The following PLEKHA4 variants were observed in gnomAD, a reference collection of about 807,000 sequenced individuals.
The protein encoded by PLEKHA4 is pleckstrin homology domain containing A4.
Under a neutral mutation model 94.7 loss-of-function variants are expected in PLEKHA4, and 73 were observed. That is an observed-to-expected ratio of 0.77 (90% CI 0.64 to 0.94). The LOEUF is 0.94. Ranked by LOEUF, PLEKHA4 falls within the 40% of genes least tolerant of loss-of-function variation. The probability of loss-of-function intolerance (pLI) is 0.00; values close to 1 mark genes in which losing one functional copy is unlikely to be tolerated. For synonymous variants in PLEKHA4, 449 were observed against 437.1 expected (o/e 1.03, Z -0.34); for missense variants, 1,049 against 1,054.1 (o/e 1.00, Z 0.07).
intron 13 of PLEKHA4, among the ~76,000 whole-genome samples, chr19:48,848,985 G>T (rs35948270): frequency 6.6e-6 from 1 of 150,986 alleles, no homozygotes; most frequent in Non-Finnish European, 1.5e-5. Flanking sequence ...CTGCATCCTC[G>T]AACTCTTGGG....
At chr19:48,865,810 C>G (rs993740224) in intron 2 of PLEKHA4, among the ~76,000 whole-genome samples, 200 bp from the exon 3 acceptor site, 7 of 151,828 alleles carry the variant, frequency 4.6e-5, no homozygotes, top group Non-Finnish European at 2.9e-5. Flanking sequence ...GTCAGGAGAT[C>G]GAGACCATCC....
At chr19:48,857,783 G>A (rs2036482385) in intron 8 of PLEKHA4, among the ~76,000 whole-genome samples, 1 of 150,844 alleles carries the variant, frequency 6.6e-6, no homozygotes, top group South Asian at 2.1e-4. Flanking sequence ...ACTGCGGAAG[G>A]CCGCAGGGTC....
At chr19:48,842,610 A>C (rs556645774) in intron 16 of PLEKHA4, among the ~76,000 whole-genome samples, 1 of 152,302 alleles carries the variant, frequency 6.6e-6, no homozygotes, top group South Asian at 2.1e-4. Flanking sequence ...AACTGTGCCC[A>C]ACATCTGCTA....
rs2036427628 is a variant in PLEKHA4 at position 48,856,755 on chromosome 19, C to T, written c.1047+667G>A. On this transcript the variant is annotated intron_variant, in intron 9 of 19. Coordinates refer to ENST00000263265, the MANE Select transcript of PLEKHA4 (RefSeq NM_020904.3). ...AAGAAAAAAATACAAAAAAATTAGC[C>T]GGGCGTGGTGGCGGGCGCCTGTAGT... Among the ~76,000 whole-genome samples, 3 of 146,946 alleles carry T rather than the reference C, an allele frequency of 2.0e-5. No individual in the cohort carries two copies. The Admixed American group carries it at 2.1e-4, about 10-fold the overall frequency.
chr19:48,863,911 A>G (rs779519862), intron 3 of PLEKHA4, among the ~76,000 whole-genome samples: 12 of 152,280 alleles, frequency 7.9e-5, no homozygotes, highest in Admixed American at 4.6e-4. Flanking sequence ...TTGAAGGTGC[A>G]TAAGAATCAC....
intron 17 of PLEKHA4, among the ~76,000 whole-genome samples, chr19:48,840,684 CA>C (rs2035726819): frequency 6.6e-6 from 1 of 152,010 alleles, no homozygotes; most frequent in Admixed American, 6.6e-5. Flanking sequence ...CTTGGCCTCC[CA>C]AATTGCTGGG....
At position 48,867,456 on chromosome 19, in the gene PLEKHA4, C is replaced by T. The variant is rs1389704656; in HGVS notation, c.84+81G>A. ...CGTTGCTAAGGATCTTTGTCCTTAA[C>T]AACCAGAGTCCTTGGGGAAACAGAA... is the stretch of plus-strand genomic sequence containing the variant. On this transcript the variant is annotated intron_variant, in intron 2 of 19. Transcript: ENST00000263265. The surrounding 1 kb of genome is among the most constrained non-coding windows in gnomAD (Gnocchi z 4.7). 7.5e-6 allele frequency: 11 copies of T among 1,476,126 alleles called. No individual in the cohort carries two copies. Among genetic ancestry groups the T allele is most frequent in the Non-Finnish European group, 9.2e-6 (10 of 1,088,168 alleles). The allele number at this position is 1,476,126 out of a possible 1,614,324, so 91.4% of individuals were successfully genotyped here.
intron 8 of PLEKHA4, among the ~76,000 whole-genome samples, chr19:48,858,006 G>T (rs1270155417): frequency 3.3e-5 from 5 of 151,970 alleles, no homozygotes; most frequent in Non-Finnish European, 7.4e-5. Flanking sequence ...AGTGCTTTAG[G>T]AGATATTTTG....
In PLEKHA4 at chr19:48,858,627, C is replaced by CAAAAAAAAAAAAAAAAAAAAAAAA. The variant is rs56663437; in HGVS notation, c.972+232_972+233insTTTTTTTTTTTTTTTTTTTTTTTT. On this transcript the variant is annotated intron_variant, in intron 8 of 19. Coordinates refer to ENST00000263265, the MANE Select transcript of PLEKHA4 (RefSeq NM_020904.3). ...TGGCGACAGAGCAAGACCTCAGTCT[C>CAAAAAAAAAAAAAAAAAAAAAAAA]AAAAAAAAAAAAAAAAAGCAATGGC... is the stretch of plus-strand genomic sequence containing the variant. Among the ~76,000 whole-genome samples the CAAAAAAAAAAAAAAAAAAAAAAAA allele has an allele frequency of 7.6e-4, 48 of 63,412 alleles. 3 individuals are homozygous for CAAAAAAAAAAAAAAAAAAAAAAAA. The highest frequency in any genetic ancestry group is 2.1e-3 in the African/African-American group (19 of 9,238). 41.6% of individuals were successfully genotyped at this position (63,412 alleles called of 152,430 possible).
At chr19:48,841,085 C>T in intron 17 of PLEKHA4, 64 bp downstream of exon 17, 2 of 1,478,532 alleles carry the variant, frequency 1.4e-6, no homozygotes, top group Non-Finnish European at 1.8e-6. Flanking sequence ...CAGAAAGGGA[C>T]TCAAAGTAGG....
chr19:48,867,563 A>T lies in PLEKHA4; in HGVS notation c.58T>A (p.Ser20Thr). 1 of 1,602,146 alleles carries T rather than the reference A, an allele frequency of 6.2e-7. No homozygotes were observed. The highest frequency in any genetic ancestry group is 8.5e-7 in the Non-Finnish European group (1 of 1,176,652). The change falls in exon 2 of 20, where the codon TCC (serine) becomes ACC (threonine). Residue 20 changes from serine (S) to threonine (T), a missense_variant. Transcript: ENST00000263265. The surrounding 1 kb of genome is among the most constrained non-coding windows in gnomAD (Gnocchi z 4.7). ...LSLASSASTI[S>T]SLSSLSPKKP... ...TTGGGGCTCAGGCTGCTGAGCGAGGAGATGGTGGAGGCGCTGCTGGCCAGG... is the reference window on the plus strand; with the variant it reads ...TTGGGGCTCAGGCTGCTGAGCGAGGTGATGGTGGAGGCGCTGCTGGCCAGG...
At chr19:48,852,420 G>T in intron 12 of PLEKHA4, 94 bp from the exon 13 acceptor site, 9 of 992,666 alleles carry the variant, frequency 9.1e-6, no homozygotes, top group African/African-American at 1.6e-5. Flanking sequence ...GGAGATAAGG[G>T]AGTTTGGTCC....
At chr19:48,838,897 C>T (rs1406814649) in intron 18 of PLEKHA4, among the ~76,000 whole-genome samples, 1 of 152,062 alleles carries the variant, frequency 6.6e-6, no homozygotes, top group Non-Finnish European at 1.5e-5. Flanking sequence ...ATACGTTAAA[C>T]ATGGCACCGC....
intron 16 of PLEKHA4, among the ~76,000 whole-genome samples, chr19:48,844,804 CTTTTTTT>C (rs149141709): frequency 2.7e-4 from 19 of 70,842 alleles, no homozygotes; most frequent in Non-Finnish European, 2.9e-4. Context: ...CTCAGGGTGT[CTTTTTTT>C]TTTTTTTTTT....
intron 3 of PLEKHA4, 150 bp from the exon 4 acceptor site, chr19:48,861,842 G>A: frequency 1.3e-6 from 1 of 743,416 alleles, no homozygotes; most frequent in South Asian, 1.7e-5. Flanking sequence ...AGAGTGGGGT[G>A]AGGCCGAGCA....
chr19:48,859,789 G>A, intron 6 of PLEKHA4, 105 bp from the exon 7 acceptor site: 1 of 1,049,652 alleles, frequency 9.5e-7, no homozygotes, highest in Non-Finnish European at 1.4e-6. Context: ...AAGGAAAGTT[G>A]TGCACTATAA....
At position 48,847,889 on chromosome 19, in the gene PLEKHA4, G is replaced by A; in HGVS notation, c.1566+11C>T. The A allele has an allele frequency of 6.5e-7, 1 of 1,542,792 alleles. No individual in the cohort carries two copies. The highest frequency in any genetic ancestry group is 8.7e-7 in the Non-Finnish European group (1 of 1,145,238). ...GAAGCTTGGGGTGGGGAGGAATTAT[G>A]TGCGTCTTACCTCCCTCTCTGAGGA... On this transcript the variant is annotated intron_variant, in intron 14 of 19. Coordinates refer to ENST00000263265, the MANE Select transcript of PLEKHA4 (RefSeq NM_020904.3).
At chr19:48,859,444 C>A in intron 7 of PLEKHA4, 25 bp downstream of exon 7, 1 of 1,611,536 alleles carries the variant, frequency 6.2e-7, no homozygotes, top group Non-Finnish European at 8.5e-7. Flanking sequence ...TAGGCCACGC[C>A]CACAACCATG....
intron 3 of PLEKHA4, among the ~76,000 whole-genome samples, chr19:48,862,419 T>G (rs2036678469): frequency 6.6e-6 from 1 of 152,010 alleles, no homozygotes; most frequent in Non-Finnish European, 1.5e-5. Context: ...CAGGCTGGTC[T>G]TGAACTCCTG....
Sources: gnomAD v4.1 joint callset for allele counts (sites outside exome capture counted in the v4.1 genomes callset) on GRCh38, gnomAD v4.1.1 for gene constraint, Gnocchi (gnomAD v3.1) non-coding constraint, MANE v1.5 for transcripts, NCBI Gene and HGNC (gene_info 2026-07-23, HGNC 2026-07-21) for gene names.